The following USP50 variants were observed in gnomAD, a reference collection of about 807,000 sequenced individuals.
USP50 encodes the protein ubiquitin carboxyl-terminal hydrolase 50.
USP50 carries 37 observed loss-of-function variants against 39.2 expected under a neutral mutation model. The observed-to-expected ratio is 0.94, with a 90% CI of 0.73 to 1.24. The LOEUF (loss-of-function observed/expected upper bound fraction) is 1.24, where lower values mean the gene tolerates loss of function less well. USP50 is among the 50% of genes most tolerant of loss of function. The pLI is 0.00. For synonymous variants in USP50, 139 were observed against 144.5 expected, an observed-to-expected ratio of 0.96 and a Z score of 0.27; for missense variants, 374 against 398.2, an observed-to-expected ratio of 0.94 and a Z score of 0.52.
rs779223176 is a variant in USP50 at position 50,529,859 on chromosome 15, G to T, written c.874C>A (p.Leu292Ile). 1 of 1,613,930 alleles carries T rather than the reference G, an allele frequency of 6.2e-7. No homozygotes were observed. The highest frequency in any genetic ancestry group is 1.1e-5 in the South Asian group (1 of 91,076). ...AAAATTGAGCAAATATAAGGAGTGA[G>T]GTCCAAGTTAGTGAGTGGGTAATGA... ...DIHYPLTNLD[L>I]TPYICSIFRK... The change falls in exon 6 of 7, where the codon CTC becomes ATC. Residue 292 changes from leucine to isoleucine, a missense_variant. By Grantham distance (5) the Leu-to-Ile change is conservative. Coordinates refer to ENST00000532404, the MANE Select transcript of USP50 (RefSeq NM_203494.5).
At chr15:50,525,709 ATATATG>A (rs1370293436) in intron 6 of USP50, among the ~76,000 whole-genome samples, 2 of 80,432 alleles carry the variant, frequency 2.5e-5, no homozygotes, top group Non-Finnish European at 5.3e-5. Flanking sequence ...ATATATATGT[ATATATG>A]TATATGTATA....
At chr15:50,544,860 T>A (rs2053059621) in intron 1 of USP50, 79 bp from the exon 2 acceptor site, 2 of 1,355,936 alleles carry the variant, frequency 1.5e-6, no homozygotes, top group Non-Finnish European at 2.0e-6. Flanking sequence ...CTCTTAATAT[T>A]ATGAAATAAA....
chr15:50,516,169 C>A (rs1015136265), intron 6 of USP50, among the ~76,000 whole-genome samples: 1 of 152,022 alleles, frequency 6.6e-6, no homozygotes, highest in African/African-American at 2.4e-5. Flanking sequence ...CAAATCATAC[C>A]ACCACAGAAA....
chr15:50,513,104 A>C (rs534915133), intron 6 of USP50: 5 of 152,312 alleles, frequency 3.3e-5, no homozygotes, highest in African/African-American at 9.6e-5. Flanking sequence ...TAGATGGCAA[A>C]AATTAAGAAG....
intron 6 of USP50, chr15:50,501,623 T>A (rs1239066218): frequency 1.3e-5 from 2 of 151,868 alleles, no homozygotes; most frequent in Non-Finnish European, 2.9e-5. Context: ...CAACAACCCC[T>A]CAATCCCCCA....
At chr15:50,518,219 CTTTTTT>C (rs957017494) in intron 6 of USP50, among the ~76,000 whole-genome samples, 6 of 132,638 alleles carry the variant, frequency 4.5e-5, no homozygotes, top group African/African-American at 1.6e-4. Context: ...CTTTCTTTTT[CTTTTTT>C]TGTTTTTTTT....
downstream of USP50, chr15:50,493,989 G>C (rs1276905696): frequency 1.0e-5 from 15 of 1,462,178 alleles, no homozygotes; most frequent in Non-Finnish European, 1.4e-5. Flanking sequence ...ATAATTTCAT[G>C]TTGACATCAA....
downstream of USP50, among the ~76,000 whole-genome samples, chr15:50,496,522 T>C (rs1397553545): frequency 6.7e-6 from 1 of 149,576 alleles, no homozygotes; most frequent in Non-Finnish European, 1.5e-5. Context: ...TAAAACTCAA[T>C]ATAAATTCTG....
At chr15:50,540,561 CT>C (rs2053019540) in intron 4 of USP50, among the ~76,000 whole-genome samples, 1 of 152,058 alleles carries the variant, frequency 6.6e-6, no homozygotes, top group African/African-American at 2.4e-5. Context: ...TTCCTAGGAA[CT>C]TTTGGCCAGT....
downstream of USP50, chr15:50,497,287 T>C: frequency 6.5e-7 from 1 of 1,546,854 alleles, no homozygotes; most frequent in Non-Finnish European, 8.7e-7. Context: ...GAATTTTAAG[T>C]TCTGTGTAAT....
chr15:50,532,011 C>A, intron 5 of USP50: 1 of 412,394 alleles, frequency 2.4e-6, no homozygotes, highest in South Asian at 1.7e-5. Context: ...CACAGACTTA[C>A]CAGAGCCAAA....
At chr15:50,509,097 T>G (rs1253810140) in intron 6 of USP50, 1 of 117,582 alleles carries the variant, frequency 8.5e-6, no homozygotes, top group African/African-American at 3.3e-5. Flanking sequence ...CGCGCCACTG[T>G]GCTCCAGCCT....
intron 4 of USP50, among the ~76,000 whole-genome samples, chr15:50,540,068 G>C (rs74014322): frequency 6.6e-6 from 1 of 152,150 alleles, no homozygotes; most frequent in Non-Finnish European, 1.5e-5. Flanking sequence ...CTCCAATTCT[G>C]GTAGGTAAAA....
Position 50,500,811 on chromosome 15 carries a change from G to A in USP50, c.963C>T (p.Gly321=), listed in dbSNP as rs774845969. ...AATTCTTGCAGAAAGCAGTGTAGTG[G>A]CCACCATCCAAATCACCAAAATGGT... ...VVNHFGDLDG[G]HYTAFCKNSV... The change falls in exon 7 of 7, where the codon GGC becomes GGT. Residue 321 remains glycine (G), a synonymous_variant. Coordinates refer to ENST00000532404, the MANE Select transcript of USP50 (RefSeq NM_203494.5). The A allele has an allele frequency of 1.3e-6, 2 of 1,588,204 alleles. No homozygotes were observed. The highest frequency in any genetic ancestry group is 3.6e-5 in the Admixed American group (2 of 55,832).
At chr15:50,514,121 G>A (rs1398890955) in intron 6 of USP50, 2 of 152,054 alleles carry the variant, frequency 1.3e-5, no homozygotes, top group Non-Finnish European at 2.9e-5. Flanking sequence ...CAATATGGAT[G>A]AACATTACAT....
downstream of USP50, chr15:50,497,271 A>G (rs1373776619): frequency 1.5e-5 from 23 of 1,560,008 alleles, no homozygotes; most frequent in South Asian, 2.4e-5. Context: ...GTGAAATTAA[A>G]TGAGGGAATT....
At chr15:50,523,551 A>G (rs966674500) in intron 6 of USP50, among the ~76,000 whole-genome samples, 2 of 152,214 alleles carry the variant, frequency 1.3e-5, no homozygotes, top group African/African-American at 4.8e-5. Flanking sequence ...AATAGCAAAA[A>G]CAACAAAAAC....
chr15:50,505,661 T>TA (rs2052648473), intron 6 of USP50: 1 of 152,162 alleles, frequency 6.6e-6, no homozygotes, highest in Admixed American at 6.6e-5. Context: ...GGAGGCATAT[T>TA]AAAAAATTAA....
intron 6 of USP50, among the ~76,000 whole-genome samples, chr15:50,528,205 C>T (rs1490448085): frequency 6.6e-6 from 1 of 151,758 alleles, no homozygotes; most frequent in Non-Finnish European, 1.5e-5. Context: ...CTGCACCCAG[C>T]CTAGGAGTAA....
Sources: allele counts gnomAD v4.1 joint callset (sites outside exome capture counted in the v4.1 genomes callset), GRCh38; gene constraint gnomAD v4.1.1; transcripts MANE v1.5; gene names NCBI Gene and HGNC (gene_info 2026-07-23, HGNC 2026-07-21).